PLB1: variants seen among roughly 807,000 people sequenced by gnomAD.
The protein encoded by PLB1 is phospholipase B1.
A neutral mutation model predicts 227.4 loss-of-function variants in PLB1; 242 were observed. That is an observed-to-expected ratio of 1.06 (90% CI 0.96 to 1.18). The LOEUF is 1.18. Among genes scored for constraint, PLB1 ranks in the 50% most tolerant of loss-of-function variants. PLB1 has a pLI of 0.00. For synonymous variants in PLB1, 757 were observed against 682.2 expected (o/e 1.11, Z -1.71); for missense variants, 1,858 against 1,816.3 (o/e 1.02, Z -0.42).
intron 25 of PLB1, among the ~76,000 whole-genome samples, chr2:28,584,640 A>G (rs1345424153): frequency 6.6e-6 from 1 of 152,206 alleles, no homozygotes. Context: ...GGATAGACTC[A>G]GGTCACCTTC....
chr2:28,630,937 C>T (rs1688535953), intron 54 of PLB1, among the ~76,000 whole-genome samples: 1 of 152,084 alleles, frequency 6.6e-6, no homozygotes, highest in Non-Finnish European at 1.5e-5. Flanking sequence ...GGGCCCATTC[C>T]CCACCCAGAG....
chr2:28,538,209 C>T (rs1433460717), intron 9 of PLB1, 110 bp from the exon 10 acceptor site: 9 of 1,284,992 alleles, frequency 7.0e-6, no homozygotes, highest in Non-Finnish European at 1.0e-5. Flanking sequence ...CTAGATGGTG[C>T]CTTTGCCTGT....
intron 10 of PLB1, 126 bp downstream of exon 10, chr2:28,538,507 T>G (rs954360879): frequency 2.5e-6 from 2 of 785,988 alleles, no homozygotes; most frequent in Admixed American, 2.6e-5. Context: ...GGGGAAACTT[T>G]AGAGCACCCC....
rs73924327 is a variant in PLB1 at position 28,634,587 on chromosome 2, C to A, written c.4098+1548C>A. 5.7e-3 allele frequency among the ~76,000 whole-genome samples: 867 copies of A among 152,240 alleles called. 13 individuals are homozygous for A. Among genetic ancestry groups the A allele is most frequent in the African/African-American group, 0.02 (833 of 41,536 alleles). On this transcript the variant is annotated intron_variant, in intron 56 of 57. Transcript: ENST00000327757. ...TGACGGCTGGAACATGAAAAAGAGT[C>A]CATTGGTTTCTTTTCTTGTGAATTA...
At chr2:28,593,642 C>G (rs1454864902) in intron 32 of PLB1, 39 bp from the exon 33 acceptor site, 1 of 1,580,682 alleles carries the variant, frequency 6.3e-7, no homozygotes, top group African/African-American at 1.3e-5. Context: ...TGTTCTCTGA[C>G]TTGCTAATTT....
intron 56 of PLB1, 66 bp downstream of exon 56, chr2:28,633,105 A>T: frequency 7.2e-7 from 1 of 1,382,694 alleles, no homozygotes; most frequent in Non-Finnish European, 1.0e-6. Context: ...ACTCTGTCTC[A>T]CAATGGCAAA....
At chr2:28,632,369 C>G (rs770605927) in intron 55 of PLB1, among the ~76,000 whole-genome samples, 1 of 150,558 alleles carries the variant, frequency 6.6e-6, no homozygotes, top group Non-Finnish European at 1.5e-5. Flanking sequence ...CAGGCCTGGC[C>G]CTGATGTTTT....
intron 15 of PLB1, among the ~76,000 whole-genome samples, chr2:28,549,747 A>C (rs1673923768): frequency 6.6e-6 from 1 of 152,124 alleles, no homozygotes; most frequent in Non-Finnish European, 1.5e-5. Context: ...TTCCCTTCTC[A>C]TCAAAATATA....
At chr2:28,516,702 T>C in intron 1 of PLB1, 106 bp from the exon 2 acceptor site, 1 of 994,436 alleles carries the variant, frequency 1.0e-6, no homozygotes, top group South Asian at 1.4e-5. Context: ...TGGACATTAC[T>C]GAGCTGGGCA....
In PLB1 at chr2:28,617,753, A is replaced by G. The variant is rs1003493488; in HGVS notation, c.3222A>G (p.Thr1074=). The G allele has an allele frequency of 3.7e-6, 6 of 1,614,078 alleles. No individual in the cohort carries two copies. Among genetic ancestry groups the G allele is most frequent in the East Asian group, 2.2e-5 (1 of 44,892 alleles). Residue 1074 remains threonine, a synonymous_variant, in exon 45 of 58, where the codon ACA becomes ACG. Transcript: ENST00000327757. ...ACTGGGGCAGTGACTTCCTGTGTACAGAGTGGAAGGCTTCCAATAGTGTTC... is the reference window on the plus strand; with the variant it reads ...ACTGGGGCAGTGACTTCCTGTGTACGGAGTGGAAGGCTTCCAATAGTGTTC... ...IENWGSDFLC[T]EWKASNSVPT...
intron 6 of PLB1, among the ~76,000 whole-genome samples, chr2:28,526,195 T>G (rs547709242): frequency 6.6e-6 from 1 of 152,152 alleles, no homozygotes; most frequent in South Asian, 2.1e-4. Flanking sequence ...GGGTTAAGAT[T>G]GGGGAACCTA....
At position 28,589,554 on chromosome 2, in the gene PLB1, G is replaced by A. The variant is rs778446335; in HGVS notation, c.1920G>A (p.Ser640=). The part of the protein sequence containing the change: ...FFENVDMPKT[S]EGLPDNSFFA... ...AAAACGTGGACATGCCAAAGACCTCGGTAAAGAAAGCAAGCATCGTAGAAA... is the reference window on the plus strand; with the variant it reads ...AAAACGTGGACATGCCAAAGACCTCAGTAAAGAAAGCAAGCATCGTAGAAA... Residue 640 remains serine (S), a splice_region_variant and synonymous_variant, in exon 27 of 58, where the codon TCG becomes TCA. Transcript: ENST00000327757. The A allele has an allele frequency of 5.6e-6, 9 of 1,613,940 alleles. No individual in the cohort carries two copies. Among genetic ancestry groups the A allele is most frequent in the Admixed American group, 5.0e-5 (3 of 59,996 alleles).
chr2:28,614,158 G>T lies in PLB1; in HGVS notation c.3195+62G>T, dbSNP rs73922201. 1,005 of 1,444,988 alleles carry T rather than the reference G, an allele frequency of 7.0e-4. 7 individuals carry two copies. The African/African-American group carries it at 0.012, about 17-fold the overall frequency. The allele number at this position is 1,444,988 out of a possible 1,614,324, so 89.5% of individuals were successfully genotyped here. Reference sequence around the variant, plus strand: ...AACCATTTCCACCTGCCAGGGGCTCGGGTGTGGTACAGGTTTCAGAGTATT... The same window carrying T: ...AACCATTTCCACCTGCCAGGGGCTCTGGTGTGGTACAGGTTTCAGAGTATT... On this transcript the variant is annotated intron_variant, in intron 44 of 57. Coordinates refer to ENST00000327757, the MANE Select transcript of PLB1 (RefSeq NM_153021.5).
At chr2:28,637,154 G>A (rs565381516) in intron 56 of PLB1, among the ~76,000 whole-genome samples, 12 of 152,154 alleles carry the variant, frequency 7.9e-5, no homozygotes, top group South Asian at 2.1e-4. Flanking sequence ...TTAGCCAAGC[G>A]TGGTGGCACG....
chr2:28,613,795 C>T (rs1187031653), intron 43 of PLB1, among the ~76,000 whole-genome samples: 1 of 152,220 alleles, frequency 6.6e-6, no homozygotes, highest in Non-Finnish European at 1.5e-5. Flanking sequence ...GCACAGACCC[C>T]AGACTACAAT....
chr2:28,515,122 A>T (rs1668693749), intron 1 of PLB1, among the ~76,000 whole-genome samples: 1 of 152,228 alleles, frequency 6.6e-6, no homozygotes, highest in Non-Finnish European at 1.5e-5. Context: ...GGCACATAGA[A>T]GCTGTATTTG....
Position 28,632,052 on chromosome 2 carries a change from T to A in PLB1, c.3914T>A (p.Phe1305Tyr). The A allele has an allele frequency of 1.2e-6, 2 of 1,613,970 alleles. No individual in the cohort carries two copies. The highest frequency in any genetic ancestry group is 1.7e-6 in the Non-Finnish European group (2 of 1,179,940). The part of the protein sequence containing the change: ...NWNLQHGISS[F>Y]SYWHQYTQRE... ...TGTCCCCAGCATGGCATCTCCAGTT[T>A]CTCCTACTGGCACCAATACACACAG... The change falls in exon 55 of 58, where the codon TTC (phenylalanine) becomes TAC (tyrosine). Residue 1305 changes from phenylalanine to tyrosine, a missense_variant. By Grantham distance (22) the Phe-to-Tyr change is conservative (BLOSUM62 3). Transcript: ENST00000327757.
At chr2:28,602,458 C>A (rs1031952158) in intron 38 of PLB1, among the ~76,000 whole-genome samples, 1 of 152,222 alleles carries the variant, frequency 6.6e-6, no homozygotes, top group Admixed American at 6.5e-5. Flanking sequence ...GTTGAGTCTG[C>A]GTGCCTACTC....
intron 9 of PLB1, among the ~76,000 whole-genome samples, chr2:28,534,688 T>C (rs1188758682): frequency 6.6e-6 from 1 of 151,912 alleles, no homozygotes; most frequent in Non-Finnish European, 1.5e-5. Context: ...ACCCCATCTG[T>C]ACTAAAAATA....
Sources: gnomAD v4.1 joint callset for allele counts (sites outside exome capture counted in the v4.1 genomes callset) on GRCh38, gnomAD v4.1.1 for gene constraint, MANE v1.5 for transcripts, NCBI Gene and HGNC (gene_info 2026-07-23, HGNC 2026-07-21) for gene names.